KCNN4: variants seen among roughly 807,000 people sequenced by gnomAD.
KCNN4 encodes the protein intermediate conductance calcium-activated potassium channel protein 4.
Under a neutral mutation model 45.2 loss-of-function variants are expected in KCNN4, and 31 were observed. That is an observed-to-expected ratio of 0.69 (90% confidence interval 0.52 to 0.92). The LOEUF is 0.92. KCNN4 is among the 40% of genes least tolerant of loss of function. The pLI is 0.00. For missense variants in KCNN4, 463 were observed against 574.0 expected (o/e 0.81, Z 1.98); for synonymous variants, 231 against 254.6 (o/e 0.91, Z 0.88).
In KCNN4 at chr19:43,776,570, T is replaced by C. The variant is rs201278042; in HGVS notation, c.226A>G (p.Ile76Val). The C allele has an allele frequency of 4.3e-6, 7 of 1,613,696 alleles. No individual in the cohort carries two copies. The highest frequency in any genetic ancestry group is 4.2e-6 in the Non-Finnish European group (5 of 1,179,850). ...SISTFLLLCL[I>V]VAFHAKEVQL... ...ACCTCTTTGGCATGAAAGGCCACGA[T>C]GAGGCAGAGGAGTAAGAAGGTGGAA... Residue 76 changes from isoleucine (I) to valine (V), a missense_variant, in exon 2 of 9, where the codon ATC becomes GTC. Transcript: ENST00000648319.
At chr19:43,768,063 C>T (rs977896248) in intron 7 of KCNN4, among the ~76,000 whole-genome samples, 3 of 152,358 alleles carry the variant, frequency 2.0e-5, no homozygotes, top group Non-Finnish European at 2.9e-5. Flanking sequence ...TGATGCCTGA[C>T]TTCCAAATCC....
chr19:43,769,378 C>A lies in KCNN4; in HGVS notation c.1049+64G>T. On this transcript the variant is annotated intron_variant, in intron 6 of 8. Transcript: ENST00000648319. The surrounding 1 kb of genome is among the most constrained non-coding windows in gnomAD (Gnocchi z 4.4). ...AGGCATGGACATGCACACACACAGC[C>A]GTGCAGAGAGGTGACTTGGACATGG... 1 of 1,294,298 alleles carries A rather than the reference C, an allele frequency of 7.7e-7. No individual in the cohort carries two copies. The highest frequency in any genetic ancestry group is 1.1e-6 in the Non-Finnish European group (1 of 896,526). The allele number at this position is 1,294,298 out of a possible 1,614,324, so 80.2% of individuals were successfully genotyped here.
At chr19:43,780,672 T>G in intron 1 of KCNN4, 31 bp downstream of exon 1, 1 of 1,353,688 alleles carries the variant, frequency 7.4e-7, no homozygotes, top group Non-Finnish European at 9.8e-7. Context: ...GACCTAGGAG[T>G]CCCAGCTCCC....
chr19:43,772,581 C>A lies in KCNN4; in HGVS notation c.684-446G>T, dbSNP rs780482121. ...AAGATGCTGTGTGGTCCAGAAGTGG[C>A]CCTATCAGGACCAAAAAGGACTCTA... On this transcript the variant is annotated intron_variant, in intron 3 of 8. Transcript: ENST00000648319. The surrounding 1 kb of genome is among the most constrained non-coding windows in gnomAD (Gnocchi z 4.4). Among the ~76,000 whole-genome samples, 10 of 152,156 alleles carry A rather than the reference C, an allele frequency of 6.6e-5. No homozygotes were observed. Among genetic ancestry groups the A allele is most frequent in the Non-Finnish European group, 1.3e-4 (9 of 68,028 alleles).
Position 43,769,667 on chromosome 19 carries a change from CT to C in KCNN4, c.930+51del. The C allele has an allele frequency of 6.4e-7, 1 of 1,568,966 alleles. No individual in the cohort carries two copies. Among genetic ancestry groups the C allele is most frequent in the Non-Finnish European group, 8.8e-7 (1 of 1,140,332 alleles). ...CCTAGGGGAAGCAGGGGCGCCTGGA[CT>C]CCTGCTTCTTGGAAGAGGGGTGTCC... On this transcript the variant is annotated intron_variant, in intron 5 of 8. Transcript: ENST00000648319. The surrounding 1 kb of genome is among the most constrained non-coding windows in gnomAD (Gnocchi z 4.4).
rs866979837 is a variant in KCNN4 at position 43,774,391 on chromosome 19, G to A, written c.484C>T (p.Leu162=). 1.9e-6 allele frequency: 3 copies of A among 1,602,134 alleles called. No individual in the cohort carries two copies. The highest frequency in any genetic ancestry group is 1.3e-5 in the African/African-American group (1 of 74,640). ...CGCAGGAGCACGGCGCGGGGCACCA[G>A]GTAGAGACGCAGCAGCATGGCCAGG... ...LSLAMLLRLY[L]VPRAVLLRSG... The change falls in exon 3 of 9, where the codon CTG becomes TTG. Residue 162 remains leucine, a synonymous_variant. Coordinates refer to ENST00000648319, the MANE Select transcript of KCNN4 (RefSeq NM_002250.3). The surrounding 1 kb of genome is among the most constrained non-coding windows in gnomAD (Gnocchi z 5.6).
chr19:43,773,818 T>C (rs1270545110), intron 3 of KCNN4, among the ~76,000 whole-genome samples: 2 of 152,190 alleles, frequency 1.3e-5, no homozygotes, highest in African/African-American at 4.8e-5. Flanking sequence ...TGGGAAAATA[T>C]GTCTCCTTCC....
In KCNN4 at chr19:43,774,371, G is replaced by A. The variant is rs551228061; in HGVS notation, c.504C>T (p.Leu168=). The A allele has an allele frequency of 1.3e-4, 209 of 1,606,082 alleles. 1 individual carries two copies. In the East Asian group the frequency reaches 3.7e-3, roughly 28 times the overall value. The change falls in exon 3 of 9, where the codon CTC becomes CTT. Residue 168 remains leucine (L), a synonymous_variant. Transcript: ENST00000648319. The surrounding 1 kb of genome is among the most constrained non-coding windows in gnomAD (Gnocchi z 5.6). ...LRLYLVPRAV[L]LRSGVLLNAS... is the part of the protein sequence containing the mutation. Reference sequence around the variant, plus strand: ...CGTTGAGCAGGACGCCGCTGCGCAGGAGCACGGCGCGGGGCACCAGGTAGA... The same window carrying A: ...CGTTGAGCAGGACGCCGCTGCGCAGAAGCACGGCGCGGGGCACCAGGTAGA...
chr19:43,767,179 G>A, intron 8 of KCNN4, 90 bp from the exon 9 acceptor site: 1 of 242,720 alleles, frequency 4.1e-6, no homozygotes, highest in Non-Finnish European at 8.4e-6. Flanking sequence ...AAACCGGTGG[G>A]CAGAAGTGGG....
rs374872993 is a variant in KCNN4, at chr19:43,772,381, A to G, written c.684-246T>C. ...TTGCTTAGCCACTCTGGGATTTGAG[A>G]CTGGGTCTGGCCAATCCCAATGCCG... On this transcript the variant is annotated intron_variant, in intron 3 of 8. Coordinates refer to ENST00000648319, the MANE Select transcript of KCNN4 (RefSeq NM_002250.3). This position sits in a 1 kb window ranked among gnomAD's most constrained non-coding sequence, Gnocchi z 4.4. Among the ~76,000 whole-genome samples the G allele has an allele frequency of 6.6e-6, 1 of 152,080 alleles. No homozygotes were observed. Among genetic ancestry groups the G allele is most frequent in the African/African-American group, 2.4e-5 (1 of 41,396 alleles).
Position 43,769,755 on chromosome 19 carries a change from C to T in KCNN4, c.894G>A (p.Val298=). The T allele has an allele frequency of 6.2e-7, 1 of 1,613,912 alleles. No homozygotes were observed. Among genetic ancestry groups the T allele is most frequent in the Non-Finnish European group, 8.5e-7 (1 of 1,179,950 alleles). Reference sequence around the variant, plus strand: ...ACTGGATATCCATCATGAAGTTGTGCACGTGCTTCTCTGCCTTGTTAAACT... The same window carrying T: ...ACTGGATATCCATCATGAAGTTGTGTACGTGCTTCTCTGCCTTGTTAAACT... ...KLEFNKAEKH[V]HNFMMDIQYT... is the part of the protein sequence containing the mutation. The change falls in exon 5 of 9, where the codon GTG becomes GTA. Residue 298 remains valine, a synonymous_variant. Coordinates refer to ENST00000648319, the MANE Select transcript of KCNN4 (RefSeq NM_002250.3). This position sits in a 1 kb window ranked among gnomAD's most constrained non-coding sequence, Gnocchi z 4.4.
chr19:43,770,503 A>G (rs1471197608), intron 4 of KCNN4, among the ~76,000 whole-genome samples: 3 of 152,080 alleles, frequency 2.0e-5, no homozygotes, highest in African/African-American at 7.2e-5. Context: ...ACCTGTCCCC[A>G]AGTTAGAAGG....
At chr19:43,775,151 C>G (rs781068304) in intron 2 of KCNN4, among the ~76,000 whole-genome samples, 48 of 152,186 alleles carry the variant, frequency 3.2e-4, no homozygotes, top group Admixed American at 1.7e-3. Context: ...CATGGTGAAA[C>G]TCCATCTCTA....
rs1038892240 is a variant in KCNN4, at chr19:43,769,832, G to C, written c.820-3C>G. On this transcript the variant is annotated splice_polypyrimidine_tract_variant and splice_region_variant and intron_variant, in intron 4 of 8. Transcript: ENST00000648319. The surrounding 1 kb of genome is among the most constrained non-coding windows in gnomAD (Gnocchi z 4.4). Reference sequence around the variant, plus strand: ...AGCAGGGCTGTGCAGCAGACACCCTGTGGGCACAGCAGGCACCGTGGCATG... The same window carrying C: ...AGCAGGGCTGTGCAGCAGACACCCTCTGGGCACAGCAGGCACCGTGGCATG... 6.2e-7 allele frequency: 1 copy of C among 1,607,134 alleles called. No homozygotes were observed. The highest frequency in any genetic ancestry group is 1.3e-5 in the African/African-American group (1 of 74,644).
Position 43,774,888 on chromosome 19 carries a change from G to T in KCNN4, c.256-269C>A, listed in dbSNP as rs543527079. On this transcript the variant is annotated intron_variant, in intron 2 of 8. Coordinates refer to ENST00000648319, the MANE Select transcript of KCNN4 (RefSeq NM_002250.3). The surrounding 1 kb of genome is among the most constrained non-coding windows in gnomAD (Gnocchi z 5.6). ...CTGACTGAGCGCCGACTGTGTGCCTGACATTGTTCTATGTGCTAAGGATAC... is the reference window on the plus strand; with the variant it reads ...CTGACTGAGCGCCGACTGTGTGCCTTACATTGTTCTATGTGCTAAGGATAC... Among the ~76,000 whole-genome samples, 1 of 152,290 alleles carries T rather than the reference G, an allele frequency of 6.6e-6. No individual in the cohort carries two copies. Among genetic ancestry groups the T allele is most frequent in the East Asian group, 1.9e-4 (1 of 5,180 alleles).
rs649540 is a variant in KCNN4 at position 43,774,627 on chromosome 19, T to G, written c.256-8A>C. 0.21 allele frequency: 306,486 copies of G among 1,487,430 alleles called. 37,167 individuals carry two copies. The highest frequency in any genetic ancestry group is 0.58 in the African/African-American group (40,471 of 70,176). The allele number at this position is 1,487,430 out of a possible 1,614,324, so 92.1% of individuals were successfully genotyped here. A position where few individuals can be genotyped will look rare whatever the true frequency, so the allele number is the denominator to read the frequency against. On this transcript the variant is annotated splice_polypyrimidine_tract_variant and splice_region_variant and intron_variant, in intron 2 of 8. Transcript: ENST00000648319. This position sits in a 1 kb window ranked among gnomAD's most constrained non-coding sequence, Gnocchi z 5.6. Reference sequence around the variant, plus strand: ...GTTGTCGGTCATGAACAGCTGCCGGTAGGGGGCCAAGAAGGGAGGGGTCAG... The same window carrying G: ...GTTGTCGGTCATGAACAGCTGCCGGGAGGGGGCCAAGAAGGGAGGGGTCAG...
rs1969571105 is a variant in KCNN4 at position 43,769,304 on chromosome 19, TGA to T, written c.1049+136_1049+137del. On this transcript the variant is annotated intron_variant, in intron 6 of 8. Coordinates refer to ENST00000648319, the MANE Select transcript of KCNN4 (RefSeq NM_002250.3). The surrounding 1 kb of genome is among the most constrained non-coding windows in gnomAD (Gnocchi z 4.4). ...AGAGTCATGCACGGTCAGATCCAGG[TGA>T]GACCTGGATGTTGAGTGAGACCACA... The T allele has an allele frequency of 5.4e-6, 4 of 740,246 alleles. No homozygotes were observed. Among genetic ancestry groups the T allele is most frequent in the Non-Finnish European group, 9.4e-6 (4 of 425,044 alleles). 45.9% of individuals were successfully genotyped at this position (740,246 alleles called of 1,614,324 possible).
intron 2 of KCNN4, among the ~76,000 whole-genome samples, chr19:43,775,840 G>A (rs1024719049): frequency 1.3e-5 from 2 of 151,896 alleles, no homozygotes; most frequent in African/African-American, 4.8e-5. Context: ...GCACCCCTGG[G>A]ACCGGACCAG....
chr19:43,770,473 G>A (rs987384698), intron 4 of KCNN4, among the ~76,000 whole-genome samples: 2 of 152,078 alleles, frequency 1.3e-5, no homozygotes, highest in Admixed American at 1.3e-4. Context: ...GCAATTCCTA[G>A]CTGCTTGTGG....
Sources: gnomAD v4.1 joint callset for allele counts (sites outside exome capture counted in the v4.1 genomes callset) on GRCh38, gnomAD v4.1.1 for gene constraint, Gnocchi (gnomAD v3.1) non-coding constraint, MANE v1.5 for transcripts, NCBI Gene and HGNC (gene_info 2026-07-23, HGNC 2026-07-21) for gene names.